The following PDK4 variants were observed in gnomAD, a reference collection of about 807,000 sequenced individuals.
The protein encoded by PDK4 is pyruvate dehydrogenase kinase, isozyme 4.
A neutral mutation model predicts 51.7 loss-of-function variants in PDK4; 43 were observed. That is an observed-to-expected ratio of 0.83 (90% CI 0.65 to 1.07). The LOEUF is 1.07. Among genes scored for constraint, PDK4 ranks in the 50% least tolerant of loss-of-function variants. The pLI is 0.00. For synonymous variants in PDK4, 170 were observed against 176.6 expected (o/e 0.96, Z 0.30); for missense variants, 498 against 503.5 (o/e 0.99, Z 0.10).
intron 10 of PDK4, among the ~76,000 whole-genome samples, chr7:95,586,062 C>G (rs547260776): frequency 6.6e-6 from 1 of 152,076 alleles, no homozygotes; most frequent in East Asian, 1.9e-4. Flanking sequence ...AAAATGGGAG[C>G]CTGAAAGTTT....
rs959723115 is a variant in PDK4, at chr7:95,592,665, G to T, written c.530-68C>A. ...GGATAATGATTAGTACTATCACTGA[G>T]AATGTGACCCGCTGATTAGTGAGAC... On this transcript the variant is annotated intron_variant, in intron 4 of 10. Transcript: ENST00000005178. 1.1e-5 allele frequency: 15 copies of T among 1,383,400 alleles called. No individual in the cohort carries two copies. In the East Asian group the frequency reaches 1.8e-4, roughly 17 times the overall value. 85.7% of individuals were successfully genotyped at this position (1,383,400 alleles called of 1,614,324 possible).
At chr7:95,587,213 T>G in intron 9 of PDK4, 90 bp from the exon 10 acceptor site, 1 of 794,768 alleles carries the variant, frequency 1.3e-6, no homozygotes. Context: ...CTGATACTAA[T>G]GTCCTAGAAC....
rs776653766 is a variant in PDK4 at position 95,589,634 on chromosome 7, T to A, written c.771+6A>T. The A allele has an allele frequency of 1.4e-6, 2 of 1,408,846 alleles. No individual in the cohort carries two copies. Among genetic ancestry groups the A allele is most frequent in the South Asian group, 1.2e-5 (1 of 83,302 alleles). The allele number at this position is 1,408,846 out of a possible 1,614,324, so 87.3% of individuals were successfully genotyped here. ...GTAAAATTTCAATTATTGTGAAGTA[T>A]CATACCTTAAATAGTTCAAAGAGCA... On this transcript the variant is annotated splice_donor_region_variant and intron_variant, in intron 7 of 10. Coordinates refer to ENST00000005178, the MANE Select transcript of PDK4 (RefSeq NM_002612.4).
chr7:95,596,127 C>T, intron 1 of PDK4, 37 bp downstream of exon 1: 1 of 1,582,254 alleles, frequency 6.3e-7, no homozygotes, highest in Non-Finnish European at 8.6e-7. Flanking sequence ...AGTTCCCCAA[C>T]CCTAGGACCC....
intron 7 of PDK4, among the ~76,000 whole-genome samples, chr7:95,588,222 TG>T (rs1791511455): frequency 6.6e-6 from 1 of 152,190 alleles, no homozygotes; most frequent in African/African-American, 2.4e-5. Context: ...GTGAAATCAT[TG>T]AACCAATTTA....
rs948202248 is a variant in PDK4 at position 95,585,061 on chromosome 7, A to G, written c.*580T>C. 1 of 152,268 alleles carries G rather than the reference A, an allele frequency of 6.6e-6. No individual in the cohort carries two copies. Among genetic ancestry groups the G allele is most frequent in the Non-Finnish European group, 1.5e-5 (1 of 68,048 alleles). 9.4% of individuals were successfully genotyped at this position (152,268 alleles called of 1,614,324 possible). A position where few individuals can be genotyped will look rare whatever the true frequency, so the allele number is the denominator to read the frequency against. ...TTGAATACAATGCTTTGAATTTTGA[A>G]ACACTTGAATAAAATGTTTGAATGC... On this transcript the variant is annotated 3_prime_UTR_variant, in exon 11 of 11. Coordinates refer to ENST00000005178, the MANE Select transcript of PDK4 (RefSeq NM_002612.4).
At position 95,592,790 on chromosome 7, in the gene PDK4, T is replaced by TA. The variant is rs781280217; in HGVS notation, c.498dup (p.Ile167TyrfsTer15). 127 of 1,613,106 alleles carry TA rather than the reference T, an allele frequency of 7.9e-5. No individual in the cohort carries two copies. Among genetic ancestry groups the TA allele is most frequent in the South Asian group, 1.2e-4 (11 of 90,988 alleles). On this transcript the variant is annotated frameshift_variant, in exon 4 of 11. Coordinates refer to ENST00000005178, the MANE Select transcript of PDK4 (RefSeq NM_002612.4). LOFTEE classifies it high-confidence loss of function. ...TGGTTCATCAGCATCCGAGTAGAAA[T>TA]ACGGTTCATGTAAAATCGATCCAAG... is the stretch of plus-strand genomic sequence containing the variant.
chr7:95,595,689 G>A (rs1421672241), intron 1 of PDK4, among the ~76,000 whole-genome samples: 1 of 152,164 alleles, frequency 6.6e-6, no homozygotes, highest in African/African-American at 2.4e-5. Context: ...AAACTATAAT[G>A]ATAAAGAGAC....
At chr7:95,586,196 T>TG (rs1304184048) in intron 10 of PDK4, among the ~76,000 whole-genome samples, 1 of 145,262 alleles carries the variant, frequency 6.9e-6, no homozygotes, top group Non-Finnish European at 1.5e-5. Flanking sequence ...GCACCAAGGT[T>TG]TTTTTTTTTT....
At position 95,584,545 on chromosome 7, in the gene PDK4, A is replaced by G. The variant is rs952666477; in HGVS notation, c.*1096T>C. ...ACGTCCAGGCTATTTGCTTAAAATA[A>G]TTACTCTAAAAGGTACTTAAATTCT... On this transcript the variant is annotated 3_prime_UTR_variant, in exon 11 of 11. Coordinates refer to ENST00000005178, the MANE Select transcript of PDK4 (RefSeq NM_002612.4). 6.6e-6 allele frequency: 1 copy of G among 152,210 alleles called. No homozygotes were observed. The highest frequency in any genetic ancestry group is 2.4e-5 in the African/African-American group (1 of 41,454). 9.4% of individuals were successfully genotyped at this position (152,210 alleles called of 1,614,324 possible).
intron 10 of PDK4, 22 bp from the exon 11 acceptor site, chr7:95,585,803 A>T: frequency 6.4e-7 from 1 of 1,574,730 alleles, no homozygotes; most frequent in Non-Finnish European, 8.7e-7. Context: ...GGGGGGAAAA[A>T]CATGAGACCA....
At chr7:95,591,671 T>C (rs1031315655) in intron 6 of PDK4, among the ~76,000 whole-genome samples, 1 of 152,234 alleles carries the variant, frequency 6.6e-6, no homozygotes, top group African/African-American at 2.4e-5. Context: ...TCCCTACTTC[T>C]GGTCTCTTTA....
chr7:95,590,395 A>G (rs1440463992), intron 6 of PDK4, among the ~76,000 whole-genome samples: 1 of 152,208 alleles, frequency 6.6e-6, no homozygotes, highest in African/African-American at 2.4e-5. Flanking sequence ...GAAACAGACA[A>G]ACAAAAACCT....
At chr7:95,585,864 A>G in intron 10 of PDK4, 83 bp from the exon 11 acceptor site, 1 of 1,193,350 alleles carries the variant, frequency 8.4e-7, no homozygotes, top group East Asian at 2.4e-5. Flanking sequence ...CTCAAAATAC[A>G]TTCAGAGGTA....
rs755394834 is a variant in PDK4, at chr7:95,587,770, A to C, written c.827T>G (p.Ile276Arg). 2.5e-6 allele frequency: 4 copies of C among 1,613,318 alleles called. No homozygotes were observed. Among genetic ancestry groups the C allele is most frequent in the Non-Finnish European group, 2.5e-6 (3 of 1,179,284 alleles). The change falls in exon 8 of 11, where the codon ATA becomes AGA. Residue 276 changes from isoleucine to arginine, a missense_variant. By Grantham distance (97) the Ile-to-Arg change is moderately conservative. Coordinates refer to ENST00000005178, the MANE Select transcript of PDK4 (RefSeq NM_002612.4). ...TTTTCCCAAGACAACAATAACCTCT[A>C]TTGGTGTAAGGGAAGGCTGATTTTC... ...HQENQPSLTP[I>R]EVIVVLGKED...
intron 6 of PDK4, among the ~76,000 whole-genome samples, chr7:95,590,391 G>A (rs1791537623): frequency 1.3e-5 from 2 of 149,612 alleles, no homozygotes; most frequent in Non-Finnish European, 3.0e-5. Context: ...AAAGGAAACA[G>A]ACAAACAAAA....
chr7:95,587,724 T>C lies in PDK4; in HGVS notation c.870+3A>G. ...ACCCAAAAGGAAAACAGAGAATGGT[T>C]ACCTTAATGGTAAGGTCTTCTTTTC... On this transcript the variant is annotated splice_donor_region_variant and intron_variant, in intron 8 of 10. Transcript: ENST00000005178. 1 of 1,574,704 alleles carries C rather than the reference T, an allele frequency of 6.4e-7. No individual in the cohort carries two copies. The highest frequency in any genetic ancestry group is 8.7e-7 in the Non-Finnish European group (1 of 1,143,986).
Position 95,595,181 on chromosome 7 carries a change from CAATTT to C in PDK4, c.131-22_131-18del, listed in dbSNP as rs776177150. 6.3e-7 allele frequency: 1 copy of C among 1,595,602 alleles called. No homozygotes were observed. The highest frequency in any genetic ancestry group is 1.1e-5 in the South Asian group (1 of 90,272). Reference sequence around the variant, plus strand: ...TTTCTGAACCTATAATAAATGAAATCAATTTAGTTTTGAGAAAAAGTGTGTCTAAA... The same window carrying C: ...TTTCTGAACCTATAATAAATGAAATCAGTTTTGAGAAAAAGTGTGTCTAAA... On this transcript the variant is annotated intron_variant, in intron 1 of 10. Transcript: ENST00000005178.
At chr7:95,587,688 T>C (rs367856132) in intron 8 of PDK4, 39 bp downstream of exon 8, 3 of 1,404,258 alleles carry the variant, frequency 2.1e-6, no homozygotes, top group African/African-American at 1.4e-5. Context: ...TATTTAATTC[T>C]CTCAAGAGAC....
Sources: gnomAD v4.1 joint callset for allele counts (sites outside exome capture counted in the v4.1 genomes callset) on GRCh38, gnomAD v4.1.1 for gene constraint, MANE v1.5 for transcripts, NCBI Gene and HGNC (gene_info 2026-07-23, HGNC 2026-07-21) for gene names.